Variants in SERINC2 observed in about 807,000 individuals in gnomAD.
SERINC2 encodes the protein tumor differentially expressed protein 2.
SERINC2 carries 56 observed loss-of-function variants against 54.2 expected under a neutral mutation model. The observed-to-expected ratio is 1.03, with a 90% CI of 0.83 to 1.29. SERINC2 has a LOEUF of 1.29. Ranked by LOEUF, SERINC2 falls within the 50% of genes most tolerant of loss-of-function variation. The pLI, the probability that SERINC2 is intolerant of heterozygous loss-of-function variation, is 0.00. For synonymous variants in SERINC2, 272 were observed against 253.1 expected (o/e 1.07, Z -0.71); for missense variants, 614 against 607.4 (o/e 1.01, Z -0.12).
chr1:31,409,870 G>C (rs1553131255), upstream of SERINC2: 1 of 1,551,776 alleles, frequency 6.4e-7, no homozygotes, highest in South Asian at 1.2e-5. Flanking sequence ...GGGATGGGGA[G>C]AGAATGGATT....
chr1:31,428,520 G>A (rs545189080), intron 6 of SERINC2, among the ~76,000 whole-genome samples: 1 of 152,256 alleles, frequency 6.6e-6, no homozygotes, highest in African/African-American at 2.4e-5. Context: ...CAGGGCTGCC[G>A]TAGTTCAGGT....
chr1:31,432,634 C>T (rs1195975151), intron 8 of SERINC2, among the ~76,000 whole-genome samples: 1 of 152,110 alleles, frequency 6.6e-6, no homozygotes, highest in Non-Finnish European at 1.5e-5. Flanking sequence ...ACAATAGTGA[C>T]TGTTGATTGA....
chr1:31,433,560 T>C (rs1641385447), intron 9 of SERINC2, among the ~76,000 whole-genome samples: 1 of 152,090 alleles, frequency 6.6e-6, no homozygotes, highest in Non-Finnish European at 1.5e-5. Context: ...ATAGAAGTCA[T>C]GAGGTCTGGG....
At position 31,413,703 on chromosome 1, in the gene SERINC2, C is replaced by T. The variant is rs193169942; in HGVS notation, c.39+399C>T. 2.7e-3 allele frequency: 3,259 copies of T among 1,225,894 alleles called. 81 individuals are homozygous for T. In the African/African-American group the frequency reaches 0.047, roughly 18 times the overall value. 75.9% of individuals were successfully genotyped at this position (1,225,894 alleles called of 1,614,324 possible). A position where few individuals can be genotyped will look rare whatever the true frequency, so the allele number is the denominator to read the frequency against. ...TGTCCCCGTCCCGGACGCCCTGGTT[C>T]TCTGTGTAGGTCGCCCGGGCCCCGT... On this transcript the variant is annotated intron_variant, in intron 1 of 9. Coordinates refer to ENST00000373709, the MANE Select transcript of SERINC2 (RefSeq NM_178865.5). This position sits in a 1 kb window ranked among gnomAD's most constrained non-coding sequence, Gnocchi z 5.0.
rs540570416 is a variant in SERINC2, at chr1:31,416,869, G to A, written c.39+3565G>A. Among the ~76,000 whole-genome samples, 27 of 152,120 alleles carry A rather than the reference G, an allele frequency of 1.8e-4. No individual in the cohort carries two copies. The South Asian group carries it at 4.6e-3, about 26-fold the overall frequency. ...CGAGTAGCTGGGATTACAGGCGTGCGCCACCATGCCTGGCTAATTTTTGTG... is the reference window on the plus strand; with the variant it reads ...CGAGTAGCTGGGATTACAGGCGTGCACCACCATGCCTGGCTAATTTTTGTG... On this transcript the variant is annotated intron_variant, in intron 1 of 9. Transcript: ENST00000373709.
chr1:31,432,011 A>ATAGGGTGGT (rs1641258264), intron 8 of SERINC2, among the ~76,000 whole-genome samples: 2 of 95,476 alleles, frequency 2.1e-5, no homozygotes, highest in South Asian at 3.8e-4. Flanking sequence ...GATAGGGTGG[A>ATAGGGTGGT]TAGGGTGGAC....
At chr1:31,412,919 C>A (rs1553131645), upstream of SERINC2, among the ~76,000 whole-genome samples, 1 of 152,206 alleles carries the variant, frequency 6.6e-6, no homozygotes, top group East Asian at 1.9e-4. Context: ...GGCTTCTGTT[C>A]CCAAGGGTGA....
upstream of SERINC2, among the ~76,000 whole-genome samples, chr1:31,410,808 C>T (rs1640635186): frequency 6.6e-6 from 1 of 152,098 alleles, no homozygotes; most frequent in Non-Finnish European, 1.5e-5. Context: ...GTCTTGGGTG[C>T]TTTCTACTGT....
chr1:31,425,931 G>T lies in SERINC2; in HGVS notation c.610+18G>T, dbSNP rs782505747. The T allele has an allele frequency of 2.4e-5, 39 of 1,605,794 alleles. No individual in the cohort carries two copies. The highest frequency in any genetic ancestry group is 2.9e-5 in the Non-Finnish European group (34 of 1,177,856). On this transcript the variant is annotated intron_variant, in intron 5 of 9. Coordinates refer to ENST00000373709, the MANE Select transcript of SERINC2 (RefSeq NM_178865.5). ...GTACGCAGGTCAGTGCTGCCACCCT[G>T]CCTCCGTGTGGGGACTCGAGCCTGG... is the stretch of plus-strand genomic sequence containing the variant.
intron 8 of SERINC2, among the ~76,000 whole-genome samples, chr1:31,432,164 A>ATAGGGTGGATAGGGTGGT: frequency 1.2e-5 from 1 of 82,438 alleles, no homozygotes; most frequent in African/African-American, 6.8e-5. Context: ...GACAGGGTGG[A>ATAGGGTGGATAGGGTGGT]TAGGGTGGAT....
intron 8 of SERINC2, among the ~76,000 whole-genome samples, chr1:31,431,488 G>A (rs1641197479): frequency 6.6e-6 from 1 of 151,936 alleles, no homozygotes; most frequent in South Asian, 2.1e-4. Flanking sequence ...GCACATGGTG[G>A]CCGGTGGCCA....
intron 3 of SERINC2, 22 bp from the exon 4 acceptor site, chr1:31,425,308 C>T (rs995049298): frequency 1.2e-5 from 19 of 1,575,846 alleles, no homozygotes; most frequent in Non-Finnish European, 1.6e-5. Context: ...CTTCCTTGTC[C>T]ATTCCCCGAC....
At chr1:31,410,051 C>A (rs1640622728), upstream of SERINC2, 14 of 979,354 alleles carry the variant, frequency 1.4e-5, no homozygotes, top group Non-Finnish European at 1.6e-5. Flanking sequence ...GGGCACAGGG[C>A]AATGGACCAA....
At chr1:31,415,649 A>C (rs1165257470) in intron 1 of SERINC2, among the ~76,000 whole-genome samples, 1 of 152,204 alleles carries the variant, frequency 6.6e-6, no homozygotes, top group Non-Finnish European at 1.5e-5. Context: ...ACTGGCTCAG[A>C]GAGTGAAGGT....
chr1:31,410,799 T>C (rs574823971), upstream of SERINC2, among the ~76,000 whole-genome samples: 2 of 152,204 alleles, frequency 1.3e-5, no homozygotes, highest in African/African-American at 2.4e-5. Context: ...ATCCTCTTGG[T>C]CTTGGGTGCT....
chr1:31,429,915 A>G (rs1183500939), intron 8 of SERINC2, among the ~76,000 whole-genome samples: 1 of 152,032 alleles, frequency 6.6e-6, no homozygotes, highest in Admixed American at 6.5e-5. Context: ...CCTCCTCAGT[A>G]AGAGGATGAC....
Position 31,434,325 on chromosome 1 carries a change from G to T in SERINC2, c.*126G>T. On this transcript the variant is annotated 3_prime_UTR_variant, in exon 10 of 10. Transcript: ENST00000373709. ...AGCCCCCACCCCTGCCCCAGCTCCA[G>T]GACCTGCCCCTGAGCCGGGCCTTCT... The T allele has an allele frequency of 9.9e-7, 1 of 1,010,434 alleles. No individual in the cohort carries two copies. The highest frequency in any genetic ancestry group is 1.5e-6 in the Non-Finnish European group (1 of 684,816). The allele number at this position is 1,010,434 out of a possible 1,614,324, so 62.6% of individuals were successfully genotyped here.
chr1:31,431,734 A>G (rs531656511), intron 8 of SERINC2, among the ~76,000 whole-genome samples: 1 of 152,266 alleles, frequency 6.6e-6, no homozygotes, highest in African/African-American at 2.4e-5. Flanking sequence ...TGAGATATCC[A>G]TATGGTATTT....
chr1:31,434,493 G>A lies in SERINC2; in HGVS notation c.*294G>A, dbSNP rs1641417876. 1 of 424,196 alleles carries A rather than the reference G, an allele frequency of 2.4e-6. No homozygotes were observed. Among genetic ancestry groups the A allele is most frequent in the Non-Finnish European group, 4.3e-6 (1 of 235,068 alleles). 26.3% of individuals were successfully genotyped at this position (424,196 alleles called of 1,614,324 possible). ...GCATCTCGGATGAAAGGGCTCCCTT[G>A]TCCTCAGGCTCCACGGGAGCGGGGC... is the stretch of plus-strand genomic sequence containing the variant. On this transcript the variant is annotated 3_prime_UTR_variant, in exon 10 of 10. Transcript: ENST00000373709.
Sources: allele counts gnomAD v4.1 joint callset (sites outside exome capture counted in the v4.1 genomes callset), GRCh38; gene constraint gnomAD v4.1.1; non-coding constraint Gnocchi (gnomAD v3.1); transcripts MANE v1.5; gene names NCBI Gene and HGNC (gene_info 2026-07-23, HGNC 2026-07-21).